Variants in NTM observed in about 807,000 individuals in gnomAD.
NTM encodes IgLON family member 2.
In NTM, 13 loss-of-function variants were observed where a neutral mutation model predicts 42.1. The ratio of observed to expected loss-of-function variants is 0.31; its 90% CI spans 0.20 to 0.49. The LOEUF (loss-of-function observed/expected upper bound fraction) is 0.49, where lower values mean the gene tolerates loss of function less well. NTM is among the 20% of genes least tolerant of loss of function. The pLI is 0.99. For synonymous variants in NTM, 187 were observed against 179.2 expected, an observed-to-expected ratio of 1.04 and a Z score of -0.35; for missense variants, 373 against 452.8, an observed-to-expected ratio of 0.82 and a Z score of 1.60.
intron 3 of NTM, among the ~76,000 whole-genome samples, chr11:132,153,677 G>A (rs75487379): frequency 0.032 from 4,863 of 152,238 alleles, 275 homozygotes; most frequent in African/African-American, 0.11. Context: ...AGTAGTTGAT[G>A]AGAAAGGTTT....
chr11:132,189,591 A>G (rs2138222181), intron 3 of NTM, among the ~76,000 whole-genome samples: 1 of 152,262 alleles, frequency 6.6e-6, no homozygotes, highest in East Asian at 1.9e-4. Flanking sequence ...GGCAAGCAGC[A>G]AATTGTGCAC....
In NTM at chr11:132,173,297, A is replaced by G. The variant is rs375926739; in HGVS notation, c.400+26783A>G. ...AAGTTAAATCTATCATTTCTATTTT[A>G]TGACTAATAAATCAAACCCAGAAGG... On this transcript the variant is annotated intron_variant, in intron 3 of 8. Coordinates refer to ENST00000683400, the MANE Select transcript of NTM (RefSeq NM_001352005.2). Among the ~76,000 whole-genome samples, 19 of 152,324 alleles carry G rather than the reference A, an allele frequency of 1.2e-4. No individual in the cohort carries two copies. The East Asian group carries it at 2.5e-3, about 20-fold the overall frequency.
Position 132,096,265 on chromosome 11 carries a change from T to C in NTM, c.168-50017T>C, listed in dbSNP as rs993616177. ...CACATTACTAGAGTAACAGAGTGTG[T>C]TGTAATTGGCCGGGCATTGGTCTTG... On this transcript the variant is annotated intron_variant, in intron 2 of 8. Coordinates refer to ENST00000683400, the MANE Select transcript of NTM (RefSeq NM_001352005.2). 3.3e-5 allele frequency among the ~76,000 whole-genome samples: 5 copies of C among 152,172 alleles called. No individual in the cohort carries two copies. In the South Asian group the frequency reaches 8.3e-4, roughly 25 times the overall value.
intron 3 of NTM, among the ~76,000 whole-genome samples, chr11:132,209,591 G>A (rs1338153347): frequency 2.6e-5 from 4 of 152,180 alleles, no homozygotes; most frequent in African/African-American, 9.7e-5. Flanking sequence ...GTAATTTATA[G>A]TATAAAAGGA....
intron 1 of NTM, among the ~76,000 whole-genome samples, chr11:131,507,700 T>C (rs1271122978): frequency 6.7e-6 from 1 of 148,484 alleles, no homozygotes; most frequent in Non-Finnish European, 1.5e-5. Context: ...CATGGAATGT[T>C]CTTCCATTTG....
chr11:131,691,374 G>T (rs185354764), intron 1 of NTM, among the ~76,000 whole-genome samples: 298 of 152,296 alleles, frequency 2.0e-3, no homozygotes, highest in South Asian at 3.9e-3. Context: ...CTTCTTCGGC[G>T]GCCGCTCCTT....
intron 1 of NTM, among the ~76,000 whole-genome samples, chr11:131,599,911 C>A (rs570761468): frequency 6.6e-6 from 1 of 152,306 alleles, no homozygotes; most frequent in African/African-American, 2.4e-5. Flanking sequence ...TTAGACCCTG[C>A]GGGTGACTCC....
chr11:132,183,532 C>T (rs2077908263), intron 3 of NTM, among the ~76,000 whole-genome samples: 3 of 151,972 alleles, frequency 2.0e-5, no homozygotes, highest in Admixed American at 1.3e-4. Context: ...TTGCAATCAC[C>T]ATTAAGACAA....
At chr11:132,259,201 A>G (rs2092693321) in intron 4 of NTM, among the ~76,000 whole-genome samples, 1 of 152,174 alleles carries the variant, frequency 6.6e-6, no homozygotes. Context: ...AATAGTTGCC[A>G]TTTTAAATAT....
chr11:131,918,148 C>A (rs1171100639), intron 2 of NTM, among the ~76,000 whole-genome samples: 1 of 152,096 alleles, frequency 6.6e-6, no homozygotes, highest in Non-Finnish European at 1.5e-5. Flanking sequence ...ATCAGTCTTG[C>A]GTAAGGAGGC....
At chr11:132,095,360 G>A (rs1022643423) in intron 2 of NTM, among the ~76,000 whole-genome samples, 3 of 152,010 alleles carry the variant, frequency 2.0e-5, no homozygotes, top group African/African-American at 7.2e-5. Flanking sequence ...CCCTCCACAG[G>A]AACCCTTTCA....
intron 4 of NTM, among the ~76,000 whole-genome samples, chr11:132,236,834 G>C (rs1032486329): frequency 8.5e-5 from 13 of 152,204 alleles, no homozygotes; most frequent in African/African-American, 3.1e-4. Context: ...AGAATGGAGT[G>C]AGGTGGAAGG....
At chr11:131,720,851 A>G (rs779841489) in intron 1 of NTM, among the ~76,000 whole-genome samples, 7 of 152,122 alleles carry the variant, frequency 4.6e-5, no homozygotes, top group African/African-American at 7.2e-5. Context: ...TGTTTCATTG[A>G]TCAAATAAAG....
chr11:132,071,035 T>A (rs79995102), intron 2 of NTM, among the ~76,000 whole-genome samples: 153 of 81,068 alleles, frequency 1.9e-3, no homozygotes, highest in East Asian at 2.9e-3. Flanking sequence ...AACACGTCAC[T>A]CAGCCAAGTT....
chr11:131,902,519 G>A (rs2053323569), intron 1 of NTM, among the ~76,000 whole-genome samples: 1 of 152,194 alleles, frequency 6.6e-6, no homozygotes, highest in African/African-American at 2.4e-5. Flanking sequence ...CTTCCCCAAG[G>A]AAAGTTCAGA....
At chr11:131,575,168 A>G (rs1180934104) in intron 1 of NTM, among the ~76,000 whole-genome samples, 1 of 145,052 alleles carries the variant, frequency 6.9e-6, no homozygotes, top group African/African-American at 2.5e-5. Flanking sequence ...CCTCTGAAAG[A>G]GTCACAGTGA....
In NTM at chr11:131,494,010, TC is replaced by T. The variant is rs529373799; in HGVS notation, c.82+123124del. Among the ~76,000 whole-genome samples, 36 of 152,316 alleles carry T rather than the reference TC, an allele frequency of 2.4e-4. No individual in the cohort carries two copies. In the South Asian group the frequency reaches 6.4e-3, roughly 27 times the overall value. On this transcript the variant is annotated intron_variant, in intron 1 of 8. Transcript: ENST00000683400. ...TGCTAAATATCTGTCATTCAGCAAGTCCTATTTACCTAGATTTTATCAAGTA... is the reference window on the plus strand; with the variant it reads ...TGCTAAATATCTGTCATTCAGCAAGTCTATTTACCTAGATTTTATCAAGTA...
intron 3 of NTM, among the ~76,000 whole-genome samples, chr11:132,173,273 A>C (rs577502504): frequency 2.6e-5 from 4 of 152,332 alleles, no homozygotes; most frequent in African/African-American, 9.6e-5. Context: ...CTTCAAGAGA[A>C]GTTAAATCTA....
At chr11:131,893,916 G>A (rs71483695) in intron 1 of NTM, among the ~76,000 whole-genome samples, 13,796 of 152,204 alleles carry the variant, frequency 0.091, 664 homozygotes, top group East Asian at 0.12. Context: ...GGAAGAGGGC[G>A]CATGTTTCTT....
Sources: gnomAD v4.1 joint callset for allele counts (sites outside exome capture counted in the v4.1 genomes callset) on GRCh38, gnomAD v4.1.1 for gene constraint, MANE v1.5 for transcripts, NCBI Gene and HGNC (gene_info 2026-07-23, HGNC 2026-07-21) for gene names.